The following FILIP1 variants were observed in gnomAD, a reference collection of about 807,000 sequenced individuals.
FILIP1 encodes the protein filamin A interacting protein 1.
A neutral mutation model predicts 102.1 loss-of-function variants in FILIP1; 61 were observed. That is an observed-to-expected ratio of 0.60 (90% CI 0.49 to 0.74). FILIP1 has a LOEUF of 0.74. Among genes scored for constraint, FILIP1 ranks in the 30% least tolerant of loss-of-function variants. The probability of loss-of-function intolerance (pLI) is 0.00; values close to 1 mark genes in which losing one functional copy is unlikely to be tolerated. For synonymous variants in FILIP1, 491 were observed against 526.9 expected, an observed-to-expected ratio of 0.93 and a Z score of 0.93; for missense variants, 1,314 against 1,441.2, an observed-to-expected ratio of 0.91 and a Z score of 1.43.
chr6:75,293,595 G>A (rs1271041134), exon 7 of FILIP1: 2 of 151,988 alleles, frequency 1.3e-5, no homozygotes, highest in Non-Finnish European at 2.9e-5. Flanking sequence ...CATTGTTCTT[G>A]TAAGTTCCAA....
intron 4 of FILIP1, among the ~76,000 whole-genome samples, chr6:75,342,646 T>G (rs1774452270): frequency 6.6e-6 from 1 of 152,166 alleles, no homozygotes. Context: ...ATTAGGAAGG[T>G]GGATGAGAGG....
At chr6:75,455,900 T>G (rs900998406) in intron 1 of FILIP1, among the ~76,000 whole-genome samples, 1 of 152,236 alleles carries the variant, frequency 6.6e-6, no homozygotes, top group Non-Finnish European at 1.5e-5. Context: ...ACAATCCCAC[T>G]GTTTCCCATA....
chr6:75,314,952 G>T lies in FILIP1; in HGVS notation c.880C>A (p.Gln294Lys), dbSNP rs190732578. The T allele has an allele frequency of 1.3e-5, 21 of 1,614,094 alleles. No homozygotes were observed. The East Asian group carries it at 2.9e-4, about 22-fold the overall frequency. The change falls in exon 5 of 6, where the codon CAG becomes AAG. Residue 294 changes from glutamine to lysine, a missense_variant. Coordinates refer to ENST00000237172, the MANE Select transcript of FILIP1 (RefSeq NM_015687.5). ...TCCACTTCTAACTTGAGCAATTTCT[G>T]TCTGTCTTCTTTGGATTTGGAAGTA... ...AITSKSKEDR[Q>K]KLLKLEVDFE...
chr6:75,451,337 TA>T (rs1778626029), intron 1 of FILIP1, among the ~76,000 whole-genome samples: 1 of 150,422 alleles, frequency 6.6e-6, no homozygotes, highest in African/African-American at 2.4e-5. Flanking sequence ...TCAGTAATTA[TA>T]GTAGAAACAA....
At chr6:75,402,461 C>T (rs901029459) in intron 2 of FILIP1, among the ~76,000 whole-genome samples, 17 of 152,138 alleles carry the variant, frequency 1.1e-4, no homozygotes, top group East Asian at 1.9e-4. Context: ...TGACCTCAGC[C>T]TGAGATTCTA....
At chr6:75,311,709 C>G (rs1022788916) in intron 5 of FILIP1, among the ~76,000 whole-genome samples, 6 of 152,148 alleles carry the variant, frequency 3.9e-5, no homozygotes, top group African/African-American at 1.4e-4. Context: ...ATTGGCCAGG[C>G]TGGTCTTGAA....
At chr6:75,448,902 A>G (rs1199743291) in intron 1 of FILIP1, among the ~76,000 whole-genome samples, 3 of 152,202 alleles carry the variant, frequency 2.0e-5, no homozygotes, top group African/African-American at 7.2e-5. Flanking sequence ...ACTACTATGG[A>G]AAACAATGTG....
chr6:75,447,749 T>C (rs1258684468), intron 1 of FILIP1, among the ~76,000 whole-genome samples: 2 of 152,172 alleles, frequency 1.3e-5, no homozygotes, highest in African/African-American at 4.8e-5. Flanking sequence ...CTTTTCAGTG[T>C]GCCCTTAGCT....
At chr6:75,356,161 G>A (rs1252683771) in intron 3 of FILIP1, among the ~76,000 whole-genome samples, 2 of 152,176 alleles carry the variant, frequency 1.3e-5, no homozygotes, top group South Asian at 4.1e-4. Flanking sequence ...ACCCCACGGG[G>A]TAACTCCACA....
intron 2 of FILIP1, among the ~76,000 whole-genome samples, chr6:75,378,166 A>G (rs1314913988): frequency 6.6e-6 from 1 of 152,168 alleles, no homozygotes; most frequent in African/African-American, 2.4e-5. Flanking sequence ...TGAACTCATG[A>G]TCAATGACAC....
intron 2 of FILIP1, among the ~76,000 whole-genome samples, chr6:75,405,778 G>C (rs1326950118): frequency 1.3e-5 from 2 of 152,144 alleles, no homozygotes; most frequent in Non-Finnish European, 2.9e-5. Flanking sequence ...GGGGTGAGTG[G>C]TTTGGTGGGA....
chr6:75,331,088 G>T (rs1389718904), intron 4 of FILIP1, among the ~76,000 whole-genome samples: 1 of 152,068 alleles, frequency 6.6e-6, no homozygotes, highest in Non-Finnish European at 1.5e-5. Flanking sequence ...TTGCAAACTA[G>T]GTAGCAGCTA....
intron 1 of FILIP1, among the ~76,000 whole-genome samples, chr6:75,472,250 TGGG>T: frequency 6.6e-6 from 1 of 152,080 alleles, no homozygotes; most frequent in Non-Finnish European, 1.5e-5. Flanking sequence ...TCTTTATTTT[TGGG>T]GGCCATGTTT....
chr6:75,471,125 A>G (rs1212024681), intron 1 of FILIP1, among the ~76,000 whole-genome samples: 1 of 142,446 alleles, frequency 7.0e-6, no homozygotes, highest in African/African-American at 2.6e-5. Flanking sequence ...ACACCACTGC[A>G]CTCCAACCTG....
chr6:75,445,821 A>G (rs1778428194), intron 1 of FILIP1, among the ~76,000 whole-genome samples: 1 of 151,268 alleles, frequency 6.6e-6, no homozygotes, highest in Non-Finnish European at 1.5e-5. Context: ...TTTTGAACAC[A>G]TTTTTCCTTC....
intron 1 of FILIP1, among the ~76,000 whole-genome samples, chr6:75,443,548 C>T (rs531423327): frequency 1.3e-5 from 2 of 152,274 alleles, no homozygotes; most frequent in South Asian, 2.1e-4. Context: ...AATTGTACCT[C>T]ATTGGAGGTT....
chr6:75,396,332 G>A (rs1776459853), intron 2 of FILIP1, among the ~76,000 whole-genome samples: 1 of 151,822 alleles, frequency 6.6e-6, no homozygotes, highest in African/African-American at 2.4e-5. Flanking sequence ...TTAGCCAAAG[G>A]GGGACAAGAC....
At chr6:75,435,921 A>G (rs544648313) in intron 1 of FILIP1, among the ~76,000 whole-genome samples, 1 of 152,312 alleles carries the variant, frequency 6.6e-6, no homozygotes, top group Non-Finnish European at 1.5e-5. Context: ...GTGAAGGAGC[A>G]TAGTACAGTA....
At chr6:75,335,769 C>A (rs1582362921) in intron 4 of FILIP1, among the ~76,000 whole-genome samples, 2 of 152,210 alleles carry the variant, frequency 1.3e-5, no homozygotes, top group Admixed American at 1.3e-4. Flanking sequence ...CTTCAGATAT[C>A]TTTTATACTA....
Sources: allele counts gnomAD v4.1 joint callset (sites outside exome capture counted in the v4.1 genomes callset), GRCh38; gene constraint gnomAD v4.1.1; transcripts MANE v1.5; gene names NCBI Gene and HGNC (gene_info 2026-07-23, HGNC 2026-07-21).